Variants in KCTD17 observed in about 807,000 individuals in gnomAD.
KCTD17 encodes BTB/POZ domain-containing protein KCTD17.
A neutral mutation model predicts 41.5 loss-of-function variants in KCTD17; 20 were observed. That is an observed-to-expected ratio of 0.48 (90% CI 0.34 to 0.70). KCTD17 has a LOEUF of 0.70. Ranked by LOEUF, KCTD17 falls within the 30% of genes least tolerant of loss-of-function variation. KCTD17 has a pLI of 0.01. For missense variants in KCTD17, 317 were observed against 427.2 expected (o/e 0.74, Z 2.27); for synonymous variants, 156 against 173.8 (o/e 0.90, Z 0.80).
At position 37,053,016 on chromosome 22, in the gene KCTD17, C is replaced by A; in HGVS notation, c.190-84C>A. On this transcript the variant is annotated intron_variant, in intron 1 of 8. Coordinates refer to ENST00000403888, the MANE Select transcript of KCTD17 (RefSeq NM_001282684.2). The surrounding 1 kb of genome is among the most constrained non-coding windows in gnomAD (Gnocchi z 4.1). ...CATCCAGGGAAGAGCTCTCCCTCCACTCTCCTTCCCTCCCTGTGCGTGTGC... is the reference window on the plus strand; with the variant it reads ...CATCCAGGGAAGAGCTCTCCCTCCAATCTCCTTCCCTCCCTGTGCGTGTGC... 1 of 1,115,394 alleles carries A rather than the reference C, an allele frequency of 9.0e-7. No individual in the cohort carries two copies. The highest frequency in any genetic ancestry group is 1.3e-6 in the Non-Finnish European group (1 of 758,936). The allele number at this position is 1,115,394 out of a possible 1,614,324, so 69.1% of individuals were successfully genotyped here.
At chr22:37,052,261 A>G in intron 1 of KCTD17, 1 of 408,108 alleles carries the variant, frequency 2.5e-6, no homozygotes, top group South Asian at 2.3e-5. Flanking sequence ...CCTCCCTCCC[A>G]AAGGGGACTC....
rs1230111292 is a variant in KCTD17 at position 37,062,571 on chromosome 22, C to G, written c.922C>G (p.Gln308Glu). ...CGGATGTGAGGCCCCAGATCACCTCCAGGGACTTGGGGTTCCCATCTGAAA... is the reference window on the plus strand; with the variant it reads ...CGGATGTGAGGCCCCAGATCACCTCGAGGGACTTGGGGTTCCCATCTGAAA... Reference protein sequence around the residue: ...APGCEAPDHLQGLGVPI With the variant: ...APGCEAPDHLEGLGVPI The change falls in exon 9 of 9, where the codon CAG (glutamine) becomes GAG (glutamate). Residue 308 changes from glutamine to glutamate, a missense_variant. By Grantham distance (29) the Gln-to-Glu change is conservative. Coordinates refer to ENST00000403888, the MANE Select transcript of KCTD17 (RefSeq NM_001282684.2). 1 of 1,613,410 alleles carries G rather than the reference C, an allele frequency of 6.2e-7. No homozygotes were observed. The highest frequency in any genetic ancestry group is 8.5e-7 in the Non-Finnish European group (1 of 1,179,758).
chr22:37,061,993 G>A lies in KCTD17; in HGVS notation c.875+364G>A. The A allele has an allele frequency of 1.0e-6, 1 of 985,422 alleles. No homozygotes were observed. Among genetic ancestry groups the A allele is most frequent in the Non-Finnish European group, 1.2e-6 (1 of 829,922 alleles). 61.0% of individuals were successfully genotyped at this position (985,422 alleles called of 1,614,324 possible). A position where few individuals can be genotyped will look rare whatever the true frequency, so the allele number is the denominator to read the frequency against. The stretch of plus-strand genomic sequence containing the variant: ...CCCTTGGCCCATGAAGTGTCAGCCA[G>A]AGTGGCTTAAGGATTGCAGAGTGGC... On this transcript the variant is annotated intron_variant, in intron 8 of 8. Transcript: ENST00000403888. This position sits in a 1 kb window ranked among gnomAD's most constrained non-coding sequence, Gnocchi z 6.6.
chr22:37,056,261 G>A (rs1268352142), intron 2 of KCTD17, 59 bp from the exon 3 acceptor site: 1 of 1,468,206 alleles, frequency 6.8e-7, no homozygotes, highest in Non-Finnish European at 9.4e-7. Flanking sequence ...GAGGGAACAA[G>A]AGGAGAATGG....
In KCTD17 at chr22:37,062,616, G is replaced by T; in HGVS notation, c.*22G>T. The T allele has an allele frequency of 6.2e-7, 1 of 1,607,234 alleles. No homozygotes were observed. Among genetic ancestry groups the T allele is most frequent in the Non-Finnish European group, 8.5e-7 (1 of 1,176,754 alleles). ...CTGAAATCCTTTATTTTTGTACCAT[G>T]GGGTGGGCCCCGGGCCTGAGAAGGA... On this transcript the variant is annotated 3_prime_UTR_variant, in exon 9 of 9. Coordinates refer to ENST00000403888, the MANE Select transcript of KCTD17 (RefSeq NM_001282684.2).
intron 1 of KCTD17, chr22:37,052,623 C>T (rs1367063826): frequency 6.4e-6 from 3 of 470,892 alleles, no homozygotes; most frequent in African/African-American, 4.0e-5. Context: ...TCAATGTCTC[C>T]GATCTCTCTG....
rs768618595 is a variant in KCTD17, at chr22:37,062,882, C to T, written c.*288C>T. On this transcript the variant is annotated 3_prime_UTR_variant, in exon 9 of 9. Coordinates refer to ENST00000403888, the MANE Select transcript of KCTD17 (RefSeq NM_001282684.2). Reference sequence around the variant, plus strand: ...ATGGTGGATGTGCTCCTTCCTGGCCCGGTCACATTGCCTCCTTGAGCCTTA... The same window carrying T: ...ATGGTGGATGTGCTCCTTCCTGGCCTGGTCACATTGCCTCCTTGAGCCTTA... The T allele has an allele frequency of 4.4e-5, 23 of 520,412 alleles. No individual in the cohort carries two copies. Among genetic ancestry groups the T allele is most frequent in the Admixed American group, 2.1e-4 (6 of 28,378 alleles). 32.2% of individuals were successfully genotyped at this position (520,412 alleles called of 1,614,324 possible).
chr22:37,061,737 GT>G lies in KCTD17; in HGVS notation c.875+111del, dbSNP rs1925825584. The G allele has an allele frequency of 2.0e-6, 3 of 1,473,506 alleles. No individual in the cohort carries two copies. The East Asian group carries it at 7.6e-5, about 37-fold the overall frequency. The allele number at this position is 1,473,506 out of a possible 1,614,324, so 91.3% of individuals were successfully genotyped here. On this transcript the variant is annotated intron_variant, in intron 8 of 8. Transcript: ENST00000403888. This position sits in a 1 kb window ranked among gnomAD's most constrained non-coding sequence, Gnocchi z 6.6. ...CGGCTGATTATCTCCACCCACCAAA[GT>G]TTCTCATCCGACCTTGGCCTTGGGG...
intron 1 of KCTD17, 151 bp downstream of exon 1, chr22:37,052,100 A>C: frequency 3.0e-5 from 10 of 337,012 alleles, no homozygotes; most frequent in East Asian, 1.1e-4. Context: ...GGAGGAGGGG[A>C]GGGGGAGGTG....
At position 37,061,516 on chromosome 22, in the gene KCTD17, C is replaced by T; in HGVS notation, c.785-23C>T. The T allele has an allele frequency of 1.9e-6, 3 of 1,597,014 alleles. No homozygotes were observed. The highest frequency in any genetic ancestry group is 2.5e-6 in the Non-Finnish European group (3 of 1,177,702). ...CCCCCCCTCCTCTCCTCCCGGCCTC[C>T]TCCTCACGTTTCCTCCTTGCAGGTT... On this transcript the variant is annotated intron_variant, in intron 7 of 8. Coordinates refer to ENST00000403888, the MANE Select transcript of KCTD17 (RefSeq NM_001282684.2). The surrounding 1 kb of genome is among the most constrained non-coding windows in gnomAD (Gnocchi z 6.6).
intron 5 of KCTD17, 85 bp from the exon 6 acceptor site, chr22:37,060,738 G>T: frequency 1.4e-6 from 2 of 1,422,220 alleles, no homozygotes; most frequent in South Asian, 1.7e-5. Flanking sequence ...GCCTGAGACC[G>T]GGTCTTTGGG....
intron 4 of KCTD17, 102 bp from the exon 5 acceptor site, chr22:37,059,211 A>G: frequency 6.6e-7 from 1 of 1,519,096 alleles, no homozygotes; most frequent in South Asian, 1.1e-5. Context: ...CAAGATTAGG[A>G]CCTGAGCTGG....
At chr22:37,056,939 G>A (rs1925195704) in intron 3 of KCTD17, among the ~76,000 whole-genome samples, 1 of 152,102 alleles carries the variant, frequency 6.6e-6, no homozygotes, top group South Asian at 2.1e-4. Context: ...TGGGGGATGT[G>A]TGAGGGTTGG....
rs1339277264 is a variant in KCTD17 at position 37,051,876 on chromosome 22, G to A, written c.116G>A (p.Arg39Gln). The change falls in exon 1 of 9, where the codon CGG becomes CAG. Residue 39 changes from arginine (R) to glutamine (Q), a missense_variant. Physicochemically the swap from Arg to Gln is conservative, Grantham distance 43. Around this residue, in one of 4 missense-constraint regions of KCTD17, gnomAD observed 99 missense variants for 166.5 expected, o/e 0.59. Coordinates refer to ENST00000403888, the MANE Select transcript of KCTD17 (RefSeq NM_001282684.2). ...GGGGGCACGGTGTTCCTGACCACCCGGCAGACGCTGTGCCGCGAGCAGAAG... is the reference window on the plus strand; with the variant it reads ...GGGGGCACGGTGTTCCTGACCACCCAGCAGACGCTGTGCCGCGAGCAGAAG... ...NVGGTVFLTT[R>Q]QTLCREQKSF... The A allele has an allele frequency of 1.3e-6, 2 of 1,496,076 alleles. No homozygotes were observed. The highest frequency in any genetic ancestry group is 2.1e-5 in the Admixed American group (1 of 47,496). 92.7% of individuals were successfully genotyped at this position (1,496,076 alleles called of 1,614,324 possible).
intron 8 of KCTD17, 84 bp from the exon 9 acceptor site, chr22:37,062,441 C>T (rs1925901991): frequency 6.7e-7 from 1 of 1,492,992 alleles, no homozygotes; most frequent in South Asian, 1.2e-5. Context: ...CTCCTCTCCG[C>T]CCCCTTGCCC....
At chr22:37,058,611 G>A (rs1459592598) in intron 4 of KCTD17, among the ~76,000 whole-genome samples, 1 of 152,222 alleles carries the variant, frequency 6.6e-6, no homozygotes, top group African/African-American at 2.4e-5. Flanking sequence ...GCAGGCCTGA[G>A]ATTCTCTTCA....
At chr22:37,052,758 G>A in intron 1 of KCTD17, 1 of 436,250 alleles carries the variant, frequency 2.3e-6, no homozygotes. Flanking sequence ...AGTGGGGCTG[G>A]CTTCAGGGGA....
intron 5 of KCTD17, 108 bp downstream of exon 5, chr22:37,059,546 C>A: frequency 7.6e-7 from 1 of 1,313,056 alleles, no homozygotes; most frequent in Non-Finnish European, 1.0e-6. Flanking sequence ...TCTCTCCCGC[C>A]ACCGCCCATG....
At chr22:37,052,169 C>T (rs2145950982) in intron 1 of KCTD17, 1 of 592,372 alleles carries the variant, frequency 1.7e-6, no homozygotes, top group East Asian at 3.3e-5. Flanking sequence ...AGGCCGCGGC[C>T]ATTAGAAGCT....
Sources: allele counts gnomAD v4.1 joint callset (sites outside exome capture counted in the v4.1 genomes callset), GRCh38; gene constraint gnomAD v4.1.1; regional missense constraint gnomAD v4.1.1; non-coding constraint Gnocchi (gnomAD v3.1); transcripts MANE v1.5; gene names NCBI Gene and HGNC (gene_info 2026-07-23, HGNC 2026-07-21).